Variants in HERC4 observed in about 807,000 individuals in gnomAD.
HERC4 encodes probable E3 ubiquitin-protein ligase HERC4.
A neutral mutation model predicts 124.3 loss-of-function variants in HERC4; 28 were observed. That is an observed-to-expected ratio of 0.23 (90% CI 0.17 to 0.31). The LOEUF is 0.31. Among genes scored for constraint, HERC4 ranks in the 10% least tolerant of loss-of-function variants. The probability of loss-of-function intolerance (pLI) is 1.00; values close to 1 mark genes in which losing one functional copy is unlikely to be tolerated. For missense variants in HERC4, 713 were observed against 1,229.3 expected (o/e 0.58, Z 6.28); for synonymous variants, 407 against 421.5 (o/e 0.97, Z 0.42).
rs373070903 is a variant in HERC4, at chr10:67,957,178, C to T, written c.1927-202G>A. Among the ~76,000 whole-genome samples, 62 of 152,190 alleles carry T rather than the reference C, an allele frequency of 4.1e-4. 1 individual carries two copies. The East Asian group carries it at 9.2e-3, about 23-fold the overall frequency. ...GAACCCAATTCCCAATTTTAGGGGG[C>T]GACTGTATACTTGAGAGTCTATACA... On this transcript the variant is annotated intron_variant, in intron 16 of 24. Coordinates refer to ENST00000373700, the MANE Select transcript of HERC4 (RefSeq NM_015601.4).
intron 4 of HERC4, among the ~76,000 whole-genome samples, chr10:68,043,360 A>G (rs1490121919): frequency 1.3e-5 from 2 of 152,198 alleles, no homozygotes; most frequent in East Asian, 3.8e-4. Flanking sequence ...AAGAATTACT[A>G]TTACTAGGAA....
At chr10:67,991,096 C>T (rs2036526179) in intron 12 of HERC4, 44 bp downstream of exon 12, 1 of 1,418,478 alleles carries the variant, frequency 7.0e-7, no homozygotes. Flanking sequence ...CTATTTAAGA[C>T]AATAAATTTG....
chr10:68,025,987 G>A lies in HERC4; in HGVS notation c.778-311C>T, dbSNP rs140644219. Among the ~76,000 whole-genome samples, 1,091 of 152,106 alleles carry A rather than the reference G, an allele frequency of 7.2e-3. 5 individuals are homozygous for A. Among genetic ancestry groups the A allele is most frequent in the Middle Eastern group, 0.017 (5 of 294 alleles). ...TCCACATACATATATATAATTTCAC[G>A]AAACCTAAAAACGGTATCATCTTCA... is the stretch of plus-strand genomic sequence containing the variant. On this transcript the variant is annotated intron_variant, in intron 7 of 24. Coordinates refer to ENST00000373700, the MANE Select transcript of HERC4 (RefSeq NM_015601.4).
intron 15 of HERC4, among the ~76,000 whole-genome samples, chr10:67,968,833 T>C (rs536362311): frequency 6.6e-6 from 1 of 152,170 alleles, no homozygotes; most frequent in African/African-American, 2.4e-5. Context: ...AGAACCATGA[T>C]TATATTTGGA....
At chr10:68,073,294 C>T (rs558117255) in intron 2 of HERC4, 108 bp from the exon 3 acceptor site, 8 of 554,544 alleles carry the variant, frequency 1.4e-5, no homozygotes, top group Admixed American at 3.4e-5. Flanking sequence ...ATTAAATATA[C>T]TTTATAACAT....
At chr10:68,053,257 T>A (rs2040402717) in intron 3 of HERC4, among the ~76,000 whole-genome samples, 1 of 152,172 alleles carries the variant, frequency 6.6e-6, no homozygotes, top group African/African-American at 2.4e-5. Flanking sequence ...AATCTCGTTT[T>A]AGGGATGCTT....
chr10:68,012,749 GTGCCAACTGACT>G (rs1346809372), intron 9 of HERC4, among the ~76,000 whole-genome samples: 4 of 152,084 alleles, frequency 2.6e-5, no homozygotes, highest in African/African-American at 9.7e-5. Flanking sequence ...TGGAAAAATG[GTGCCAACTGACT>G]TGCTCAATGC....
In HERC4 at chr10:68,030,438, C is replaced by CCAAAAA. The variant is rs557416138; in HGVS notation, c.777+2334_777+2339dup. On this transcript the variant is annotated intron_variant, in intron 7 of 24. Coordinates refer to ENST00000373700, the MANE Select transcript of HERC4 (RefSeq NM_015601.4). ...CCTGGGTGACAGAGTGAGACCGTGT[C>CCAAAAA]CAAAAACAAAAACAAAAACAAACAA... Among the ~76,000 whole-genome samples the CCAAAAA allele has an allele frequency of 3.3e-4, 50 of 152,158 alleles. No homozygotes were observed. In the South Asian group the frequency reaches 7.9e-3, roughly 24 times the overall value.
chr10:68,058,039 T>A (rs2040642633), intron 3 of HERC4, among the ~76,000 whole-genome samples: 1 of 152,024 alleles, frequency 6.6e-6, no homozygotes, highest in African/African-American at 2.4e-5. Context: ...CTTTTTAAAA[T>A]CAATGATCAA....
chr10:67,954,868 T>C (rs2034040203), intron 18 of HERC4, 95 bp downstream of exon 18: 5 of 1,250,216 alleles, frequency 4.0e-6, no homozygotes, highest in Admixed American at 3.0e-5. Context: ...ATTTTATTTA[T>C]TAAGTTTAAA....
At chr10:68,009,032 C>T (rs1322867712) in intron 9 of HERC4, among the ~76,000 whole-genome samples, 3 of 152,044 alleles carry the variant, frequency 2.0e-5, no homozygotes, top group Non-Finnish European at 4.4e-5. Context: ...ACCAGACTGG[C>T]CAACATGTTG....
intron 8 of HERC4, among the ~76,000 whole-genome samples, chr10:68,016,953 A>G (rs1190873891): frequency 6.6e-6 from 1 of 152,204 alleles, no homozygotes; most frequent in African/African-American, 2.4e-5. Context: ...CAAAGGACTA[A>G]TAGAGTATGT....
chr10:68,056,917 G>A (rs1432918439), intron 3 of HERC4, among the ~76,000 whole-genome samples: 2 of 152,146 alleles, frequency 1.3e-5, no homozygotes, highest in African/African-American at 2.4e-5. Context: ...CTACGGGAAA[G>A]GAAAAGATCC....
chr10:67,924,491 C>T (rs2030642672), intron 24 of HERC4, among the ~76,000 whole-genome samples: 1 of 152,086 alleles, frequency 6.6e-6, no homozygotes, highest in Non-Finnish European at 1.5e-5. Context: ...GTAACTGTAA[C>T]ATAACAGTAG....
intron 3 of HERC4, among the ~76,000 whole-genome samples, chr10:68,057,216 ATAT>A (rs1281285832): frequency 2.6e-5 from 4 of 152,226 alleles, no homozygotes; most frequent in Admixed American, 6.5e-5. Flanking sequence ...CTAAGCCAAA[ATAT>A]TATTCAGATT....
chr10:68,009,235 A>C (rs1044913782), intron 9 of HERC4, among the ~76,000 whole-genome samples: 1 of 151,980 alleles, frequency 6.6e-6, no homozygotes, highest in African/African-American at 2.4e-5. Context: ...ATTAAAAAAA[A>C]AAAAGGATGT....
In HERC4 at chr10:68,014,081, G is replaced by A; in HGVS notation, c.1014C>T (p.Pro338=). The part of the protein sequence containing the change: ...GTGSTSNRKS[P]FTVKGNWYPY... ...GGTACCAATTTCCTTTTACAGTAAA[G>A]GGGCTTTTCCTGTTGCTTGTTGAAC... Residue 338 remains proline (P), a synonymous_variant, in exon 9 of 25, where the codon CCC becomes CCT. Transcript: ENST00000373700. 6.2e-7 allele frequency: 1 copy of A among 1,613,270 alleles called. No individual in the cohort carries two copies.
Position 67,932,782 on chromosome 10 carries a change from T to A in HERC4, c.2655-2A>T, listed in dbSNP as rs1377856175. 1.3e-6 allele frequency: 2 copies of A among 1,587,010 alleles called. No homozygotes were observed. The highest frequency in any genetic ancestry group is 2.0e-5 in the Admixed American group (1 of 49,988). ...ACATAAGCATCGACAAACTCTTGCC[T>A]AGAAATGAAAAAGCACACATGTACA... On this transcript the variant is annotated splice_acceptor_variant, in intron 22 of 24. Transcript: ENST00000373700. LOFTEE classifies it high-confidence loss of function.
chr10:68,012,624 A>G (rs2133111282), intron 9 of HERC4, among the ~76,000 whole-genome samples: 1 of 152,322 alleles, frequency 6.6e-6, no homozygotes, highest in East Asian at 1.9e-4. Context: ...AATTACATCA[A>G]TGACCACTGA....
Sources: allele counts gnomAD v4.1 joint callset (sites outside exome capture counted in the v4.1 genomes callset), GRCh38; gene constraint gnomAD v4.1.1; transcripts MANE v1.5; gene names NCBI Gene and HGNC (gene_info 2026-07-23, HGNC 2026-07-21).